The following AKIRIN1 variants were observed in gnomAD, a reference collection of about 807,000 sequenced individuals.
AKIRIN1 encodes akirin 1.
AKIRIN1 carries 4 observed loss-of-function variants against 25.9 expected under a neutral mutation model. The ratio of observed to expected loss-of-function variants is 0.15; its 90% CI spans 0.08 to 0.35. The LOEUF (loss-of-function observed/expected upper bound fraction) is 0.35, where lower values mean the gene tolerates loss of function less well. AKIRIN1 is among the 10% of genes least tolerant of loss of function. The pLI is 1.00. For missense variants in AKIRIN1, 243 were observed against 266.1 expected, an observed-to-expected ratio of 0.91 and a Z score of 0.61; for synonymous variants, 125 against 105.1, an observed-to-expected ratio of 1.19 and a Z score of -1.16.
intron 1 of AKIRIN1, among the ~76,000 whole-genome samples, chr1:38,991,809 G>A (rs987182024): frequency 6.6e-6 from 1 of 152,174 alleles, no homozygotes; most frequent in African/African-American, 2.4e-5. Flanking sequence ...GTCGGTTTTA[G>A]GTTTTCCTGG....
intron 1 of AKIRIN1, among the ~76,000 whole-genome samples, chr1:38,994,662 C>T (rs553660441): frequency 3.3e-5 from 4 of 120,596 alleles, no homozygotes; most frequent in African/African-American, 1.3e-4. Context: ...TGTGTCACTA[C>T]GCTCGGCTAA....
chr1:38,994,508 CTT>C (rs953325410), intron 1 of AKIRIN1, among the ~76,000 whole-genome samples: 1 of 151,664 alleles, frequency 6.6e-6, no homozygotes, highest in African/African-American at 2.4e-5. Flanking sequence ...TTAGCTGAGT[CTT>C]TTTTTGTTGT....
chr1:38,996,054 C>G (rs1643946058), intron 1 of AKIRIN1, among the ~76,000 whole-genome samples: 1 of 152,072 alleles, frequency 6.6e-6, no homozygotes, highest in Non-Finnish European at 1.5e-5. Flanking sequence ...GAGGTGAAAA[C>G]TTAATAAATT....
At chr1:39,004,008 A>G (rs764670920) in intron 4 of AKIRIN1, 37 bp from the exon 5 acceptor site, 2 of 1,577,908 alleles carry the variant, frequency 1.3e-6, no homozygotes, top group South Asian at 1.1e-5. Context: ...AGTTTTTAGT[A>G]TTCTTACCCT....
chr1:39,002,475 A>G (rs542271620), intron 3 of AKIRIN1, among the ~76,000 whole-genome samples: 14 of 152,326 alleles, frequency 9.2e-5, no homozygotes, highest in Admixed American at 9.2e-4. Flanking sequence ...TCACGCCTGT[A>G]ATCCCAGCAC....
rs1184650970 is a variant in AKIRIN1, at chr1:39,004,505, A to G, written c.*450A>G. 7.2e-6 allele frequency: 2 copies of G among 279,178 alleles called. No homozygotes were observed. The highest frequency in any genetic ancestry group is 5.1e-5 in the Admixed American group (1 of 19,770). The allele number at this position is 279,178 out of a possible 1,614,324, so 17.3% of individuals were successfully genotyped here. On this transcript the variant is annotated 3_prime_UTR_variant, in exon 5 of 5. Transcript: ENST00000432648. Reference sequence around the variant, plus strand: ...GAATTTGGTGCACGACAATTATGGTAAAAAAACATTTGCTTGGTCTAAAGA... The same window carrying G: ...GAATTTGGTGCACGACAATTATGGTGAAAAAACATTTGCTTGGTCTAAAGA...
At chr1:38,993,390 G>A (rs1033234701) in intron 1 of AKIRIN1, among the ~76,000 whole-genome samples, 2 of 151,808 alleles carry the variant, frequency 1.3e-5, no homozygotes, top group African/African-American at 4.8e-5. Flanking sequence ...AAATAGCCGG[G>A]CGAGGTTGCG....
At chr1:38,993,672 C>CTCA (rs1407811701) in intron 1 of AKIRIN1, among the ~76,000 whole-genome samples, 1 of 150,000 alleles carries the variant, frequency 6.7e-6, no homozygotes, top group Non-Finnish European at 1.5e-5. Flanking sequence ...GGCGTGGTGG[C>CTCA]TCACACCTGC....
intron 2 of AKIRIN1, among the ~76,000 whole-genome samples, chr1:38,999,871 T>C (rs1298463858): frequency 6.6e-6 from 1 of 150,460 alleles, no homozygotes; most frequent in Admixed American, 6.6e-5. Flanking sequence ...TTTTTTTGTT[T>C]TTGTTTTTTG....
At chr1:38,992,428 G>A (rs12133179) in intron 1 of AKIRIN1, among the ~76,000 whole-genome samples, 41,828 of 151,952 alleles carry the variant, frequency 0.28, 7,544 homozygotes, top group Non-Finnish European at 0.39. Context: ...GAAATGAGGG[G>A]GGCGTCTCAA....
Position 39,003,401 on chromosome 1 carries a change from G to A in AKIRIN1, c.551G>A (p.Gly184Glu), listed in dbSNP as rs2148070477. The A allele has an allele frequency of 6.2e-7, 1 of 1,613,332 alleles. No homozygotes were observed. The highest frequency in any genetic ancestry group is 1.7e-4 in the Middle Eastern group (1 of 6,060). ...CATGATCAGATTATGCGACGGTATGGGACAAGGCCAACAAGCTGTAAGTAT... is the reference window on the plus strand; with the variant it reads ...CATGATCAGATTATGCGACGGTATGAGACAAGGCCAACAAGCTGTAAGTAT... ...FTHDQIMRRY[G>E]TRPTSYVS The change falls in exon 4 of 5, where the codon GGG becomes GAG. Residue 184 changes from glycine to glutamate, a missense_variant. Around this residue, in one of 3 missense-constraint regions of AKIRIN1, gnomAD observed 25 missense variants for 45.3 expected, o/e 0.55. Coordinates refer to ENST00000432648, the MANE Select transcript of AKIRIN1 (RefSeq NM_024595.3).
At position 38,996,859 on chromosome 1, in the gene AKIRIN1, A is replaced by G. The variant is rs114136163; in HGVS notation, c.221-1312A>G. Among the ~76,000 whole-genome samples, 1,402 of 152,294 alleles carry G rather than the reference A, an allele frequency of 9.2e-3. 22 individuals are homozygous for G. Among genetic ancestry groups the G allele is most frequent in the African/African-American group, 0.029 (1,206 of 41,568 alleles). The stretch of plus-strand genomic sequence containing the variant: ...ATAACACTCTTAAAGCATCTCCTAC[A>G]TTGTTCTAGTATTTAGGCTGAAAGT... On this transcript the variant is annotated intron_variant, in intron 1 of 4. Coordinates refer to ENST00000432648, the MANE Select transcript of AKIRIN1 (RefSeq NM_024595.3).
At chr1:39,003,080 A>C (rs564620324) in intron 3 of AKIRIN1, among the ~76,000 whole-genome samples, 1 of 152,360 alleles carries the variant, frequency 6.6e-6, no homozygotes, top group South Asian at 2.1e-4. Flanking sequence ...AGATAGAGTT[A>C]TGTCACGGGG....
At position 39,005,221 on chromosome 1, in the gene AKIRIN1, T is replaced by C. The variant is rs1303071354; in HGVS notation, c.*1166T>C. ...TGCTTGGGAGGCTGAGGCAGGAGAA[T>C]CACTTGAACCCTGGAGGTGGCGGTT... On this transcript the variant is annotated 3_prime_UTR_variant, in exon 5 of 5. Coordinates refer to ENST00000432648, the MANE Select transcript of AKIRIN1 (RefSeq NM_024595.3). 1.3e-5 allele frequency: 2 copies of C among 150,328 alleles called. No homozygotes were observed. Among genetic ancestry groups the C allele is most frequent in the African/African-American group, 4.9e-5 (2 of 40,726 alleles). 9.3% of individuals were successfully genotyped at this position (150,328 alleles called of 1,614,324 possible).
rs147081065 is a variant in AKIRIN1 at position 38,993,480 on chromosome 1, G to C, written c.220+1880G>C. ...CTTAAAAAAAAAAAAAGTTATTTTT[G>C]TTTTGGGGGCAGTGGTGGCATGCAC... On this transcript the variant is annotated intron_variant, in intron 1 of 4. Coordinates refer to ENST00000432648, the MANE Select transcript of AKIRIN1 (RefSeq NM_024595.3). Among the ~76,000 whole-genome samples the C allele has an allele frequency of 6.2e-3, 948 of 151,806 alleles. 5 individuals carry two copies. The highest frequency in any genetic ancestry group is 0.022 in the African/African-American group (911 of 41,412).
Position 38,991,532 on chromosome 1 carries a change from C to T in AKIRIN1, c.152C>T (p.Thr51Met), listed in dbSNP as rs1643905052. The T allele has an allele frequency of 3.4e-6, 5 of 1,460,226 alleles. No individual in the cohort carries two copies. The highest frequency in any genetic ancestry group is 3.0e-5 in the East Asian group (1 of 33,592). The allele number at this position is 1,460,226 out of a possible 1,614,324, so 90.5% of individuals were successfully genotyped here. The change falls in exon 1 of 5, where the codon ACG becomes ATG. Residue 51 changes from threonine to methionine, a missense_variant. Thr to Met is a moderately conservative substitution (Grantham distance 81). This residue lies in a region of AKIRIN1 where 190 missense variants were observed against 174.4 expected (regional missense o/e 1.09). Transcript: ENST00000432648. ...GCCGAGCCGCCGCCGCCGTTTCAGA[C>T]GCAGACCCCACCGCAGAGTCTGCAG... ...PDAEPPPPFQTQTPPQSLQQP... is the reference protein window; with the variant it reads ...PDAEPPPPFQMQTPPQSLQQP...
intron 3 of AKIRIN1, among the ~76,000 whole-genome samples, chr1:39,002,848 C>T (rs775462185): frequency 1.3e-5 from 2 of 152,216 alleles, no homozygotes; most frequent in Non-Finnish European, 2.9e-5. Flanking sequence ...TACCTTCTTC[C>T]TTTCTACTCA....
chr1:38,996,134 G>T (rs1354895215), intron 1 of AKIRIN1, among the ~76,000 whole-genome samples: 1 of 152,116 alleles, frequency 6.6e-6, no homozygotes, highest in East Asian at 1.9e-4. Flanking sequence ...TTACTCTGTT[G>T]CCCAGGCTGG....
chr1:38,995,124 GCTAGCTGAGT>G, intron 1 of AKIRIN1, among the ~76,000 whole-genome samples: 1 of 152,108 alleles, frequency 6.6e-6, no homozygotes, highest in South Asian at 2.1e-4. Flanking sequence ...ACTGCGCCTG[GCTAGCTGAGT>G]CTTGATCAAG....
Sources: allele counts gnomAD v4.1 joint callset (sites outside exome capture counted in the v4.1 genomes callset), GRCh38; gene constraint gnomAD v4.1.1; regional missense constraint gnomAD v4.1.1; transcripts MANE v1.5; gene names NCBI Gene and HGNC (gene_info 2026-07-23, HGNC 2026-07-21).